Variants in GOLGA8A observed in about 807,000 individuals in gnomAD.
GOLGA8A encodes golgin A8 family member A, also known as golgin subfamily A member 8A.
GOLGA8A carries 3 observed loss-of-function variants against 22.1 expected under a neutral mutation model. The ratio of observed to expected loss-of-function variants is 0.14; its 90% CI spans 0.06 to 0.35. The LOEUF (loss-of-function observed/expected upper bound fraction) is 0.35. GOLGA8A is among the 10% of genes least tolerant of loss of function. The pLI is 1.00. For missense variants in GOLGA8A, 16 were observed against 233.2 expected (o/e 0.07, Z 6.07); for synonymous variants, 7 against 91.7 (o/e 0.08, Z 5.28).
At chr15:34,423,155 A>G (rs62014589) in intron 2 of GOLGA8A, among the ~76,000 whole-genome samples, 2,358 of 95,128 alleles carry the variant, frequency 0.025, 118 homozygotes, top group Admixed American at 0.049. Context: ...TCACACTTCG[A>G]ACCTTCCTGG....
At chr15:34,437,172 G>A (rs1237698540) in intron 1 of GOLGA8A, among the ~76,000 whole-genome samples, 4 of 147,374 alleles carry the variant, frequency 2.7e-5, no homozygotes, top group Non-Finnish European at 6.0e-5. Context: ...CCCGCCCATC[G>A]TGGGAGGAGG....
chr15:34,434,400 G>T (rs1237521389), intron 2 of GOLGA8A, among the ~76,000 whole-genome samples: 4 of 149,374 alleles, frequency 2.7e-5, no homozygotes, highest in African/African-American at 4.9e-5. Flanking sequence ...CAGTACGCAG[G>T]GTTCCACATA....
intron 2 of GOLGA8A, among the ~76,000 whole-genome samples, chr15:34,410,860 C>T (rs1301650475): frequency 7.9e-6 from 1 of 126,786 alleles, no homozygotes; most frequent in Non-Finnish European, 1.7e-5. Context: ...CACCCCTCCT[C>T]CCACCCTAGA....
rs1893618560 is a variant in GOLGA8A, at chr15:34,437,769, C to G, written c.-1583G>C. Among the ~76,000 whole-genome samples, 1 of 148,162 alleles carries G rather than the reference C, an allele frequency of 6.7e-6. No homozygotes were observed. The highest frequency in any genetic ancestry group is 1.5e-5 in the Non-Finnish European group (1 of 66,780). Reference sequence around the variant, plus strand: ...AGCTCCCGCAGAGCTCGCGCCTAGCCGCACACCTCGACTGCTGATTAGCCC... The same window carrying G: ...AGCTCCCGCAGAGCTCGCGCCTAGCGGCACACCTCGACTGCTGATTAGCCC... On this transcript the variant is annotated 5_prime_UTR_variant, in exon 1 of 25. Transcript: ENST00000359187.
intron 1 of GOLGA8A, 43 bp downstream of exon 1, chr15:34,437,335 CGCCGCGGGCGGCCCAAGGCT>C (rs1893577101): frequency 7.0e-6 from 1 of 142,444 alleles, no homozygotes; most frequent in Non-Finnish European, 1.6e-5. Context: ...GTCCCCGCGG[CGCCGCGGGCGGCCCAAGGCT>C]GCCGCCGCCA....
Position 34,379,885 on chromosome 15 carries a change from T to C in GOLGA8A, c.*1526A>G, listed in dbSNP as rs1415587470. 2.6e-5 allele frequency: 4 copies of C among 152,700 alleles called. No homozygotes were observed. Among genetic ancestry groups the C allele is most frequent in the Non-Finnish European group, 4.4e-5 (3 of 68,054 alleles). The allele number at this position is 152,700 out of a possible 1,614,324, so 9.5% of individuals were successfully genotyped here. ...AATCACAGAAATATTGCACAAAGTA[T>C]GTCCCTGACTGAAAATGAGAGGTAC... is the stretch of plus-strand genomic sequence containing the variant. On this transcript the variant is annotated 3_prime_UTR_variant, in exon 25 of 25. Transcript: ENST00000359187.
intron 5 of GOLGA8A, among the ~76,000 whole-genome samples, chr15:34,403,213 TACTG>T (rs1471903621): frequency 9.1e-5 from 6 of 65,616 alleles, no homozygotes; most frequent in East Asian, 5.2e-4. Flanking sequence ...GGTGACACAT[TACTG>T]ACTAAGAGAG....
chr15:34,432,355 C>CA lies in GOLGA8A; in HGVS notation c.-1123+3027dup, dbSNP rs1249072483. On this transcript the variant is annotated intron_variant, in intron 2 of 24. Coordinates refer to ENST00000359187, the MANE Select transcript of GOLGA8A (RefSeq NM_181077.5). Reference sequence around the variant, plus strand: ...CACCCTGTTAAAAACAAATCTGATACAAAATGGGCCCCAGCAGGAGACAGG... The same window carrying CA: ...CACCCTGTTAAAAACAAATCTGATACAAAAATGGGCCCCAGCAGGAGACAGG... Among the ~76,000 whole-genome samples, 4 of 148,526 alleles carry CA rather than the reference C, an allele frequency of 2.7e-5. 1 individual carries two copies. The highest frequency in any genetic ancestry group is 5.0e-5 in the African/African-American group (2 of 40,168).
intron 2 of GOLGA8A, among the ~76,000 whole-genome samples, chr15:34,425,252 A>G (rs1892936279): frequency 6.7e-6 from 1 of 148,564 alleles, no homozygotes; most frequent in African/African-American, 2.5e-5. Flanking sequence ...TGGCACAACA[A>G]TAAAGCAGTA....
At chr15:34,427,567 G>A (rs1694665701) in intron 2 of GOLGA8A, among the ~76,000 whole-genome samples, 1 of 148,178 alleles carries the variant, frequency 6.7e-6, no homozygotes, top group African/African-American at 2.5e-5. Context: ...GATCCTCCTG[G>A]GGCCGCAGAA....
Position 34,379,930 on chromosome 15 carries a change from C to T in GOLGA8A, c.*1481G>A, listed in dbSNP as rs1194369600. The T allele has an allele frequency of 1.3e-5, 2 of 152,588 alleles. No homozygotes were observed. The highest frequency in any genetic ancestry group is 4.8e-5 in the African/African-American group (2 of 41,440). 9.5% of individuals were successfully genotyped at this position (152,588 alleles called of 1,614,324 possible). On this transcript the variant is annotated 3_prime_UTR_variant, in exon 25 of 25. Coordinates refer to ENST00000359187, the MANE Select transcript of GOLGA8A (RefSeq NM_181077.5). ...AGGTACAAAAACGTATTTCACTCTT[C>T]GTAAAGAAGTTTGTGAGGAAATACA...
chr15:34,431,291 T>TTATA lies in GOLGA8A; in HGVS notation c.-1123+4088_-1123+4091dup, dbSNP rs1228048903. Among the ~76,000 whole-genome samples the TTATA allele has an allele frequency of 5.5e-4, 62 of 112,112 alleles. 1 individual carries two copies. Among genetic ancestry groups the TTATA allele is most frequent in the Admixed American group, 1.6e-3 (17 of 10,330 alleles). 73.5% of individuals were successfully genotyped at this position (112,112 alleles called of 152,430 possible). On this transcript the variant is annotated intron_variant, in intron 2 of 24. Coordinates refer to ENST00000359187, the MANE Select transcript of GOLGA8A (RefSeq NM_181077.5). ...GCCAAACCAACCAAATGAAAAAAAA[T>TTATA]TATATATATATATATATATACATAT...
chr15:34,424,197 T>C (rs1314366973), intron 2 of GOLGA8A, among the ~76,000 whole-genome samples: 1 of 140,028 alleles, frequency 7.1e-6, no homozygotes, highest in Non-Finnish European at 1.6e-5. Context: ...ACTTAAACTG[T>C]CCACCGGCCT....
At chr15:34,430,453 T>G (rs1893176996) in intron 2 of GOLGA8A, among the ~76,000 whole-genome samples, 1 of 148,986 alleles carries the variant, frequency 6.7e-6, no homozygotes, top group South Asian at 2.2e-4. Context: ...CCAATGCCAT[T>G]CCCGAGACAA....
chr15:34,430,866 G>C (rs73376087), intron 2 of GOLGA8A, among the ~76,000 whole-genome samples: 1 of 149,760 alleles, frequency 6.7e-6, no homozygotes, highest in Non-Finnish European at 1.5e-5. Flanking sequence ...CGTGGAGGCA[G>C]AGCCTGGCTT....
intron 2 of GOLGA8A, among the ~76,000 whole-genome samples, chr15:34,426,094 C>A (rs188069635): frequency 6.7e-6 from 1 of 148,386 alleles, no homozygotes; most frequent in Non-Finnish European, 1.5e-5. Flanking sequence ...CGCAAGTCCA[C>A]TTCTAGGAAT....
chr15:34,434,072 C>T (rs1392297065), intron 2 of GOLGA8A, among the ~76,000 whole-genome samples: 1 of 149,082 alleles, frequency 6.7e-6, no homozygotes, highest in African/African-American at 2.5e-5. Context: ...CAGTTAGGAT[C>T]TCCGGGATGG....
intron 2 of GOLGA8A, among the ~76,000 whole-genome samples, chr15:34,424,069 G>T (rs200620761): frequency 0.074 from 10,807 of 145,724 alleles, 286 homozygotes; most frequent in South Asian, 0.18. Flanking sequence ...ATCCTCTAAG[G>T]CCCCCATGGG....
At chr15:34,437,238 CGGCCTCCCCGCAGCCCCGCCGAGTCCGGG>C (rs1408567613) in intron 1 of GOLGA8A, among the ~76,000 whole-genome samples, 131 bp downstream of exon 1, 3 of 146,430 alleles carry the variant, frequency 2.0e-5, no homozygotes, top group African/African-American at 7.6e-5. Flanking sequence ...ATCCCAGCGG[CGGCCTCCCCGCAGCCCCGCCGAGTCCGGG>C]GGGCAGCGCT....
Sources: gnomAD v4.1 joint callset for allele counts (sites outside exome capture counted in the v4.1 genomes callset) on GRCh38, gnomAD v4.1.1 for gene constraint, MANE v1.5 for transcripts, NCBI Gene and HGNC (gene_info 2026-07-23, HGNC 2026-07-21) for gene names.